The following CLNK variants were observed in gnomAD, a reference collection of about 807,000 sequenced individuals.
CLNK encodes cytokine-dependent hematopoietic cell linker.
A neutral mutation model predicts 68.6 loss-of-function variants in CLNK; 74 were observed. That is an observed-to-expected ratio of 1.08 (90% confidence interval 0.89 to 1.31). The LOEUF (loss-of-function observed/expected upper bound fraction) is 1.31. Among genes scored for constraint, CLNK ranks in the 50% most tolerant of loss-of-function variants. CLNK has a pLI of 0.00. For synonymous variants in CLNK, 198 were observed against 172.2 expected, an observed-to-expected ratio of 1.15 and a Z score of -1.17; for missense variants, 553 against 515.3, an observed-to-expected ratio of 1.07 and a Z score of -0.71.
intron 2 of CLNK, among the ~76,000 whole-genome samples, chr4:10,616,790 G>GTGTATATA (rs1369047138): frequency 2.6e-4 from 17 of 64,348 alleles, no homozygotes; most frequent in African/African-American, 6.7e-4. Context: ...GTGTGTGTGT[G>GTGTATATA]TATATATATA....
the CLNK span, among the ~76,000 whole-genome samples, chr4:10,699,243 T>TATGTGTGTGTACACACACAC: frequency 1.1e-4 from 6 of 54,776 alleles, no homozygotes; most frequent in African/African-American, 4.2e-4. Flanking sequence ...TACACACACA[T>TATGTGTGTGTACACACACAC]ACACACCACG....
intron 4 of CLNK, among the ~76,000 whole-genome samples, chr4:10,584,489 A>G (rs761468021): frequency 9.9e-5 from 15 of 152,216 alleles, no homozygotes; most frequent in Admixed American, 7.9e-4. Context: ...AAAATAGGCT[A>G]TGAAGAGAGA....
At chr4:10,505,867 G>C (rs1422075941) in intron 17 of CLNK, among the ~76,000 whole-genome samples, 2 of 152,142 alleles carry the variant, frequency 1.3e-5, no homozygotes, top group African/African-American at 2.4e-5. Flanking sequence ...ACATCTTTGG[G>C]GGGGCATGAT....
At chr4:10,524,087 AGAGGAG>A (rs59952822) in intron 14 of CLNK, 31 of 153,894 alleles carry the variant, frequency 2.0e-4, no homozygotes, top group African/African-American at 4.8e-4. Context: ...AGAAAAGAGA[AGAGGAG>A]GAGGAGGAGG....
chr4:10,534,755 A>T (rs886319958), intron 11 of CLNK, among the ~76,000 whole-genome samples: 9 of 152,236 alleles, frequency 5.9e-5, no homozygotes, highest in Non-Finnish European at 7.3e-5. Flanking sequence ...CTTAGATAGA[A>T]TTATGGATTC....
intron 3 of CLNK, among the ~76,000 whole-genome samples, chr4:10,590,705 T>C (rs1484450952): frequency 6.6e-6 from 1 of 152,230 alleles, no homozygotes; most frequent in Non-Finnish European, 1.5e-5. Flanking sequence ...CAATTTGTAC[T>C]TCTAAGAGTT....
chr4:10,590,267 CTAAAG>C (rs773294340), intron 3 of CLNK, among the ~76,000 whole-genome samples: 30 of 152,188 alleles, frequency 2.0e-4, no homozygotes, highest in Non-Finnish European at 4.0e-4. Flanking sequence ...TTAAAGGCTA[CTAAAG>C]TAAACTCCGC....
At chr4:10,680,492 A>C (rs1725056391) in intron 1 of CLNK, among the ~76,000 whole-genome samples, 2 of 152,130 alleles carry the variant, frequency 1.3e-5, no homozygotes, top group South Asian at 4.1e-4. Context: ...CGTTGTGCAC[A>C]TGTACCCTAA....
At chr4:10,516,059 TA>T (rs1473598280) in intron 15 of CLNK, among the ~76,000 whole-genome samples, 1 of 152,036 alleles carries the variant, frequency 6.6e-6, no homozygotes, top group East Asian at 1.9e-4. Flanking sequence ...TCAATAATAA[TA>T]AAAATTTTTT....
intron 18 of CLNK, among the ~76,000 whole-genome samples, chr4:10,498,303 A>G (rs1188518339): frequency 1.3e-5 from 2 of 151,992 alleles, no homozygotes; most frequent in Non-Finnish European, 1.5e-5. Context: ...CATCCTGGCT[A>G]ACACTGAAAC....
chr4:10,724,882 G>A, the CLNK span, among the ~76,000 whole-genome samples: 1 of 152,190 alleles, frequency 6.6e-6, no homozygotes, highest in African/African-American at 2.4e-5. Flanking sequence ...TTAGTGACGG[G>A]AGAGAAGAGA....
intron 2 of CLNK, among the ~76,000 whole-genome samples, chr4:10,634,499 T>G (rs1054252438): frequency 6.6e-6 from 1 of 152,140 alleles, no homozygotes; most frequent in Non-Finnish European, 1.5e-5. Context: ...GCTTTCTACC[T>G]CTCCACATTT....
rs555140887 is a variant in CLNK, at chr4:10,603,139, T to A, written c.12-5090A>T. 1.5e-3 allele frequency among the ~76,000 whole-genome samples: 235 copies of A among 152,348 alleles called. 1 individual carries two copies. Among genetic ancestry groups the A allele is most frequent in the Non-Finnish European group, 2.7e-3 (186 of 68,030 alleles). On this transcript the variant is annotated intron_variant, in intron 2 of 18. Coordinates refer to ENST00000226951, the MANE Select transcript of CLNK (RefSeq NM_052964.4). ...AAAACTGCACTTCTCTCAATGGAGT[T>A]TAGCTTAAGTTCTGACTTTTCCAGA...
chr4:10,491,942 T>C (rs537285739), intron 18 of CLNK, among the ~76,000 whole-genome samples: 3 of 152,290 alleles, frequency 2.0e-5, no homozygotes, highest in African/African-American at 7.2e-5. Context: ...CCTCTCCCTC[T>C]CTGAGCCTTC....
the CLNK span, among the ~76,000 whole-genome samples, chr4:10,734,262 G>T: frequency 6.6e-6 from 1 of 152,182 alleles, no homozygotes; most frequent in Non-Finnish European, 1.5e-5. Context: ...TGGGCATTTT[G>T]TTGCATGCAA....
chr4:10,706,011 G>T, the CLNK span, among the ~76,000 whole-genome samples: 38 of 152,216 alleles, frequency 2.5e-4, no homozygotes, highest in African/African-American at 8.9e-4. Flanking sequence ...TTTCCCTGTG[G>T]ATCAGCAGCT....
chr4:10,522,528 C>T (rs539538109), intron 14 of CLNK, among the ~76,000 whole-genome samples: 4 of 140,360 alleles, frequency 2.8e-5, no homozygotes, highest in African/African-American at 1.1e-4. Context: ...GAGCCGAGAT[C>T]GTACCACTGC....
chr4:10,671,216 C>G (rs540617526), intron 1 of CLNK, among the ~76,000 whole-genome samples: 1 of 152,152 alleles, frequency 6.6e-6, no homozygotes, highest in Admixed American at 6.5e-5. Flanking sequence ...TGGAACCCGT[C>G]TCTACTAAAA....
chr4:10,646,710 A>C (rs1375201892), intron 2 of CLNK, among the ~76,000 whole-genome samples: 1 of 152,098 alleles, frequency 6.6e-6, no homozygotes, highest in Non-Finnish European at 1.5e-5. Flanking sequence ...CTTGTATGTA[A>C]GCCTGAACAT....
Sources: gnomAD v4.1 joint callset for allele counts (sites outside exome capture counted in the v4.1 genomes callset) on GRCh38, gnomAD v4.1.1 for gene constraint, MANE v1.5 for transcripts, NCBI Gene and HGNC (gene_info 2026-07-23, HGNC 2026-07-21) for gene names.